The following STX8 variants were observed in gnomAD, a reference collection of about 807,000 sequenced individuals.
STX8 encodes syntaxin 8.
STX8 carries 23 observed loss-of-function variants against 37.5 expected under a neutral mutation model. That is an observed-to-expected ratio of 0.61 (90% confidence interval 0.44 to 0.87). STX8 has a LOEUF of 0.87. Ranked by LOEUF, STX8 falls within the 40% of genes least tolerant of loss-of-function variation. The probability of loss-of-function intolerance (pLI) is 0.00; values close to 1 mark genes in which losing one functional copy is unlikely to be tolerated. For missense variants in STX8, 313 were observed against 284.7 expected (o/e 1.10, Z -0.71); for synonymous variants, 115 against 99.1 (o/e 1.16, Z -0.95).
intron 7 of STX8, among the ~76,000 whole-genome samples, chr17:9,307,007 C>T (rs1909018863): frequency 6.6e-6 from 1 of 151,936 alleles, no homozygotes; most frequent in African/African-American, 2.4e-5. Context: ...GCCTGTAATC[C>T]CTGCTACTCG....
chr17:9,541,226 A>T (rs910611784), intron 4 of STX8, among the ~76,000 whole-genome samples: 2 of 152,318 alleles, frequency 1.3e-5, no homozygotes, highest in Middle Eastern at 3.4e-3. Context: ...TTAACATGAG[A>T]TTGTTCACTA....
chr17:9,565,539 C>G (rs1432553604), intron 2 of STX8, among the ~76,000 whole-genome samples: 5 of 150,110 alleles, frequency 3.3e-5, no homozygotes, highest in Non-Finnish European at 5.9e-5. Flanking sequence ...TCACTTGAAG[C>G]CAGAAGGGAG....
chr17:9,553,533 G>C (rs753705388), intron 3 of STX8: 34 of 152,152 alleles, frequency 2.2e-4, no homozygotes, highest in Non-Finnish European at 3.4e-4. Flanking sequence ...ATCCAGCACA[G>C]TAAGGAAATG....
intron 7 of STX8, among the ~76,000 whole-genome samples, chr17:9,262,102 C>T (rs1907059095): frequency 6.6e-6 from 1 of 152,184 alleles, no homozygotes; most frequent in Admixed American, 6.5e-5. Flanking sequence ...AGAGAGGCAT[C>T]GCTGCTACCA....
intron 6 of STX8, among the ~76,000 whole-genome samples, chr17:9,390,254 G>C (rs1008510708): frequency 1.3e-5 from 2 of 152,210 alleles, no homozygotes; most frequent in Non-Finnish European, 2.9e-5. Context: ...GGACGCAGTG[G>C]CTCAGGCCTG....
chr17:9,346,483 A>G (rs1338066732), intron 7 of STX8, among the ~76,000 whole-genome samples: 1 of 152,196 alleles, frequency 6.6e-6, no homozygotes, highest in Non-Finnish European at 1.5e-5. Context: ...CCACGGAAAG[A>G]AAAAGTTTAG....
intron 7 of STX8, among the ~76,000 whole-genome samples, chr17:9,374,933 G>A (rs1227381112): frequency 6.6e-6 from 1 of 151,532 alleles, no homozygotes; most frequent in South Asian, 2.1e-4. Context: ...GTGTGGTGGT[G>A]CACGCCTTAA....
chr17:9,250,757 G>C (rs1333210782), intron 7 of STX8, 112 bp from the exon 8 acceptor site: 2 of 1,179,042 alleles, frequency 1.7e-6, no homozygotes, highest in Non-Finnish European at 2.4e-6. Context: ...TGAGCCTTCA[G>C]TTTGTACGAA....
chr17:9,545,799 T>G (rs977565024), intron 3 of STX8, among the ~76,000 whole-genome samples: 1 of 152,222 alleles, frequency 6.6e-6, no homozygotes, highest in Non-Finnish European at 1.5e-5. Context: ...CAGGCTGGTC[T>G]CGAACTCATG....
intron 6 of STX8, among the ~76,000 whole-genome samples, chr17:9,405,456 C>A (rs550379059): frequency 6.6e-6 from 1 of 152,302 alleles, no homozygotes; most frequent in African/African-American, 2.4e-5. Flanking sequence ...TGAAATCGAT[C>A]TGGAAAAGGG....
At chr17:9,401,357 A>G (rs1912612877) in intron 6 of STX8, among the ~76,000 whole-genome samples, 1 of 152,170 alleles carries the variant, frequency 6.6e-6, no homozygotes, top group African/African-American at 2.4e-5. Flanking sequence ...GAATAGTTTT[A>G]AAAGTAGTTA....
intron 7 of STX8, among the ~76,000 whole-genome samples, chr17:9,311,195 C>T (rs1362845491): frequency 6.6e-6 from 1 of 151,048 alleles, no homozygotes; most frequent in Non-Finnish European, 1.5e-5. Flanking sequence ...TGAGATTGCG[C>T]CACTGCACTC....
At position 9,433,449 on chromosome 17, in the gene STX8, A is replaced by G. The variant is rs531400637; in HGVS notation, c.542-54796T>C. On this transcript the variant is annotated intron_variant, in intron 6 of 7. Transcript: ENST00000306357. Reference sequence around the variant, plus strand: ...CTTTTCTCAATCTCTTCGGCCCACAATATCACTCATGAAAAGCATCCATTC... The same window carrying G: ...CTTTTCTCAATCTCTTCGGCCCACAGTATCACTCATGAAAAGCATCCATTC... Among the ~76,000 whole-genome samples the G allele has an allele frequency of 3.9e-5, 6 of 152,306 alleles. No homozygotes were observed. In the South Asian group the frequency reaches 6.2e-4, roughly 16 times the overall value.
At chr17:9,391,955 G>A (rs945331231) in intron 6 of STX8, among the ~76,000 whole-genome samples, 3 of 152,118 alleles carry the variant, frequency 2.0e-5, no homozygotes, top group African/African-American at 7.2e-5. Flanking sequence ...AATAGTATAC[G>A]TAGACATTGA....
chr17:9,548,923 A>T (rs921944611), intron 3 of STX8, among the ~76,000 whole-genome samples: 1 of 152,232 alleles, frequency 6.6e-6, no homozygotes, highest in African/African-American at 2.4e-5. Context: ...TTAAGGGTAT[A>T]AGAGAGACTG....
At chr17:9,280,992 G>A (rs72814148) in intron 7 of STX8, among the ~76,000 whole-genome samples, 28,586 of 152,112 alleles carry the variant, frequency 0.19, 3,014 homozygotes, top group Middle Eastern at 0.28. Context: ...CAGGAGAGTG[G>A]ATTGCACAGG....
chr17:9,287,082 G>A (rs1908103172), intron 7 of STX8, among the ~76,000 whole-genome samples: 1 of 152,104 alleles, frequency 6.6e-6, no homozygotes, highest in African/African-American at 2.4e-5. Flanking sequence ...CTCTACTAGT[G>A]GGGAATGGTA....
At chr17:9,275,179 G>A (rs1332920519) in intron 7 of STX8, among the ~76,000 whole-genome samples, 4 of 152,092 alleles carry the variant, frequency 2.6e-5, no homozygotes, top group Non-Finnish European at 5.9e-5. Flanking sequence ...ATCCTCTTGA[G>A]CTCCGGCCTC....
intron 6 of STX8, among the ~76,000 whole-genome samples, chr17:9,470,336 C>T (rs1425189714): frequency 1.3e-5 from 2 of 152,198 alleles, no homozygotes; most frequent in African/African-American, 2.4e-5. Flanking sequence ...GCTGTCTTTC[C>T]CTGCTCAAGC....
Sources: gnomAD v4.1 joint callset for allele counts (sites outside exome capture counted in the v4.1 genomes callset) on GRCh38, gnomAD v4.1.1 for gene constraint, MANE v1.5 for transcripts, NCBI Gene and HGNC (gene_info 2026-07-23, HGNC 2026-07-21) for gene names.